The following CDH7 variants were observed in gnomAD, a reference collection of about 807,000 sequenced individuals.
CDH7 encodes the protein cadherin 7.
A neutral mutation model predicts 71.8 loss-of-function variants in CDH7; 25 were observed. The observed-to-expected ratio is 0.35, with a 90% CI of 0.25 to 0.49. CDH7 has a LOEUF of 0.49. CDH7 is among the 20% of genes least tolerant of loss of function. The pLI is 0.99. For missense variants in CDH7, 862 were observed against 974.6 expected, an observed-to-expected ratio of 0.88 and a Z score of 1.54; for synonymous variants, 381 against 363.8, an observed-to-expected ratio of 1.05 and a Z score of -0.54.
intron 2 of CDH7, among the ~76,000 whole-genome samples, chr18:65,781,202 A>G (rs1910172317): frequency 6.6e-6 from 1 of 152,128 alleles, no homozygotes; most frequent in Non-Finnish European, 1.5e-5. Flanking sequence ...TTTATCAGAG[A>G]ACTGACACTG....
chr18:65,846,339 T>C (rs1264635213), intron 7 of CDH7, among the ~76,000 whole-genome samples: 2 of 152,114 alleles, frequency 1.3e-5, no homozygotes, highest in Non-Finnish European at 2.9e-5. Context: ...CACTTTCATT[T>C]CCTTAAAAGT....
chr18:65,783,400 G>C (rs142051586), intron 2 of CDH7, among the ~76,000 whole-genome samples: 1 of 152,080 alleles, frequency 6.6e-6, no homozygotes, highest in Non-Finnish European at 1.5e-5. Flanking sequence ...GAAAACAAAG[G>C]ATTTTTAAAT....
intron 6 of CDH7, among the ~76,000 whole-genome samples, chr18:65,827,312 G>A (rs2143949722): frequency 6.6e-6 from 1 of 151,834 alleles, no homozygotes; most frequent in Non-Finnish European, 1.5e-5. Flanking sequence ...CAATGTACAG[G>A]AGAATCTTAA....
chr18:65,817,106 G>T (rs879337658), intron 4 of CDH7, among the ~76,000 whole-genome samples: 4 of 152,108 alleles, frequency 2.6e-5, no homozygotes, highest in Non-Finnish European at 5.9e-5. Flanking sequence ...CGGAATGACG[G>T]CATAGGTCAT....
intron 6 of CDH7, among the ~76,000 whole-genome samples, chr18:65,830,568 C>T (rs923353100): frequency 2.7e-5 from 4 of 149,476 alleles, no homozygotes; most frequent in African/African-American, 9.9e-5. Context: ...CTTCCTCTCT[C>T]TCTCCTTCCT....
chr18:65,797,965 A>C (rs556890620), intron 2 of CDH7, among the ~76,000 whole-genome samples: 1 of 152,250 alleles, frequency 6.6e-6, no homozygotes, highest in East Asian at 1.9e-4. Context: ...ATAGCCTGGG[A>C]GTATGGATGG....
At chr18:65,753,660 A>T (rs1261689059) in intron 1 of CDH7, among the ~76,000 whole-genome samples, 2 of 152,202 alleles carry the variant, frequency 1.3e-5, no homozygotes, top group Non-Finnish European at 2.9e-5. Flanking sequence ...GAAAGAAGAC[A>T]TGTGATCAGA....
At chr18:65,850,968 C>T (rs906373779) in intron 7 of CDH7, among the ~76,000 whole-genome samples, 7 of 152,048 alleles carry the variant, frequency 4.6e-5, no homozygotes, top group African/African-American at 1.4e-4. Context: ...GATACCACCA[C>T]GCCCAGCTAA....
At position 65,858,916 on chromosome 18, in the gene CDH7, A is replaced by C; in HGVS notation, c.1373-9A>C. 6.2e-7 allele frequency: 1 copy of C among 1,611,022 alleles called. No homozygotes were observed. Among genetic ancestry groups the C allele is most frequent in the Non-Finnish European group, 8.5e-7 (1 of 1,177,510 alleles). ...AGAGTAAATGATAAGACACTGTCTTATTTATTAGAGAATCCATCTCAAGTA... is the reference window on the plus strand; with the variant it reads ...AGAGTAAATGATAAGACACTGTCTTCTTTATTAGAGAATCCATCTCAAGTA... On this transcript the variant is annotated splice_polypyrimidine_tract_variant and intron_variant, in intron 8 of 11. Transcript: ENST00000397968.
intron 7 of CDH7, among the ~76,000 whole-genome samples, chr18:65,844,848 G>A (rs1485953744): frequency 1.3e-5 from 2 of 151,930 alleles, no homozygotes; most frequent in Non-Finnish European, 2.9e-5. Context: ...ATTTGGGTTT[G>A]TAAGTAAAAT....
chr18:65,837,710 CAT>C (rs1283135998), intron 6 of CDH7, among the ~76,000 whole-genome samples: 2 of 151,874 alleles, frequency 1.3e-5, no homozygotes, highest in Non-Finnish European at 2.9e-5. Flanking sequence ...CTAAAAGAAA[CAT>C]AAGGCCTTCT....
intron 7 of CDH7, 48 bp downstream of exon 7, chr18:65,844,113 T>C (rs1413155672): frequency 6.4e-7 from 1 of 1,561,198 alleles, no homozygotes; most frequent in South Asian, 1.1e-5. Context: ...AACAATGCAT[T>C]CTTGTTCACA....
At chr18:65,754,097 TAACTC>T (rs572452240) in intron 1 of CDH7, among the ~76,000 whole-genome samples, 102 of 152,344 alleles carry the variant, frequency 6.7e-4, no homozygotes, top group Non-Finnish European at 9.9e-4. Flanking sequence ...ATTACATAAA[TAACTC>T]AGAAAGATTG....
At chr18:65,863,086 G>A (rs1210739789) in intron 11 of CDH7, 169 bp downstream of exon 11, 3 of 709,970 alleles carry the variant, frequency 4.2e-6, no homozygotes, top group Non-Finnish European at 6.9e-6. Flanking sequence ...TGCCCAGGCT[G>A]GAGTGCAGTA....
At chr18:65,877,616 A>G (rs992169155) in intron 11 of CDH7, among the ~76,000 whole-genome samples, 1 of 152,008 alleles carries the variant, frequency 6.6e-6, no homozygotes, top group Non-Finnish European at 1.5e-5. Context: ...TATGCTGTTC[A>G]ACATGTGTAA....
intron 6 of CDH7, among the ~76,000 whole-genome samples, chr18:65,839,213 G>A (rs1033776359): frequency 5.9e-5 from 9 of 152,186 alleles, no homozygotes; most frequent in South Asian, 2.1e-4. Context: ...GTCTTAGTCC[G>A]TTTGGGCTAC....
Position 65,762,888 on chromosome 18 carries a change from G to A in CDH7, c.46G>A (p.Ala16Thr), listed in dbSNP as rs1031019491. 7.4e-6 allele frequency: 12 copies of A among 1,613,266 alleles called. No individual in the cohort carries two copies. The Admixed American group carries it at 1.0e-4, about 13-fold the overall frequency. The change falls in exon 2 of 12, where the codon GCT becomes ACT. Residue 16 changes from alanine (A) to threonine (T), a missense_variant. Transcript: ENST00000397968. ...GTTCTGCCATTTTCTGCAGCTAATA[G>A]CTCTTTTCCTGTGTTTTTCTGGGAT... ...VEFCHFLQLIALFLCFSGMSQ... is the reference protein window; with the variant it reads ...VEFCHFLQLITLFLCFSGMSQ...
chr18:65,821,765 T>C (rs1431153071), intron 4 of CDH7, among the ~76,000 whole-genome samples: 1 of 152,200 alleles, frequency 6.6e-6, no homozygotes, highest in Non-Finnish European at 1.5e-5. Context: ...TACAGGTGAC[T>C]GTCCATTATT....
chr18:65,799,531 C>T (rs1215608328), intron 2 of CDH7, among the ~76,000 whole-genome samples: 1 of 152,066 alleles, frequency 6.6e-6, no homozygotes, highest in African/African-American at 2.4e-5. Context: ...CAAAAATTAG[C>T]CGGGCATGGT....
Sources: allele counts gnomAD v4.1 joint callset (sites outside exome capture counted in the v4.1 genomes callset), GRCh38; gene constraint gnomAD v4.1.1; transcripts MANE v1.5; gene names NCBI Gene and HGNC (gene_info 2026-07-23, HGNC 2026-07-21).